Variants in SLC37A1 observed in about 807,000 individuals in gnomAD.
SLC37A1 encodes the protein solute carrier family 37 member 1, also known as glucose-6-phosphate exchanger SLC37A1.
Under a neutral mutation model 75.3 loss-of-function variants are expected in SLC37A1, and 49 were observed. The ratio of observed to expected loss-of-function variants is 0.65; its 90% CI spans 0.52 to 0.83. The LOEUF is 0.83. Among genes scored for constraint, SLC37A1 ranks in the 40% least tolerant of loss-of-function variants. The probability of loss-of-function intolerance (pLI) is 0.00; values close to 1 mark genes in which losing one functional copy is unlikely to be tolerated. For missense variants in SLC37A1, 566 were observed against 695.0 expected (o/e 0.81, Z 2.09); for synonymous variants, 268 against 292.1 (o/e 0.92, Z 0.84).
At position 42,563,882 on chromosome 21, in the gene SLC37A1, G is replaced by C. The variant is rs2055900518; in HGVS notation, c.1135+5G>C. The stretch of plus-strand genomic sequence containing the variant: ...TTGACGTGGGCGGAATCTTTGGTGA[G>C]TTCATTAAGACTTGTTCTGCTGCAA... On this transcript the variant is annotated splice_donor_5th_base_variant and intron_variant, in intron 13 of 19. Transcript: ENST00000352133. 1 of 1,614,048 alleles carries C rather than the reference G, an allele frequency of 6.2e-7. No individual in the cohort carries two copies. Among genetic ancestry groups the C allele is most frequent in the South Asian group, 1.1e-5 (1 of 91,086 alleles).
At chr21:42,579,658 G>A in intron 18 of SLC37A1, 78 bp from the exon 19 acceptor site, 3 of 1,497,882 alleles carry the variant, frequency 2.0e-6, no homozygotes, top group Non-Finnish European at 1.8e-6. Context: ...TTGCGGGCCA[G>A]GTCCTCATGG....
In SLC37A1 at chr21:42,521,814, A is replaced by G. The variant is rs566454241; in HGVS notation, c.56+3304A>G. The stretch of plus-strand genomic sequence containing the variant: ...GTTTTATATTCATAAGTCTAAACAT[A>G]ACACAAAACAAAAATGAAAGGATTA... On this transcript the variant is annotated intron_variant, in intron 2 of 19. Coordinates refer to ENST00000352133, the MANE Select transcript of SLC37A1 (RefSeq NM_001320537.2). 6.0e-4 allele frequency among the ~76,000 whole-genome samples: 92 copies of G among 152,384 alleles called. 2 individuals carry two copies. The South Asian group carries it at 8.3e-3, about 14-fold the overall frequency.
At chr21:42,542,525 C>A (rs1335500975) in intron 7 of SLC37A1, 45 bp downstream of exon 7, 5 of 1,586,046 alleles carry the variant, frequency 3.2e-6, no homozygotes, top group Non-Finnish European at 4.3e-6. Flanking sequence ...GAAAACTAGA[C>A]CATTTTACTT....
intron 5 of SLC37A1, 77 bp downstream of exon 5, chr21:42,535,627 A>G: frequency 1.5e-6 from 2 of 1,316,104 alleles, no homozygotes; most frequent in Non-Finnish European, 2.2e-6. Context: ...GCTATGCTGA[A>G]GTGCACAGGC....
intron 7 of SLC37A1, 55 bp from the exon 8 acceptor site, chr21:42,543,381 G>A (rs769037933): frequency 7.5e-6 from 12 of 1,608,910 alleles, no homozygotes; most frequent in Non-Finnish European, 1.0e-5. Flanking sequence ...TGCACTGCTG[G>A]ACTCGTTTCA....
At chr21:42,503,474 A>T (rs1010464109) in intron 2 of SLC37A1, among the ~76,000 whole-genome samples, 4 of 152,000 alleles carry the variant, frequency 2.6e-5, no homozygotes, top group African/African-American at 4.8e-5. Flanking sequence ...GCTCAACAAC[A>T]TGTGGATCAA....
intron 3 of SLC37A1, among the ~76,000 whole-genome samples, chr21:42,531,253 C>T (rs1361935879): frequency 3.9e-5 from 6 of 152,264 alleles, no homozygotes; most frequent in Non-Finnish European, 7.3e-5. Context: ...GCTGTGACTC[C>T]TGGCGGTTTT....
In SLC37A1 at chr21:42,520,615, C is replaced by T. The variant is rs535589819; in HGVS notation, c.56+2105C>T. Among the ~76,000 whole-genome samples the T allele has an allele frequency of 5.9e-5, 9 of 151,778 alleles. 1 individual carries two copies. The highest frequency in any genetic ancestry group is 1.5e-4 in the African/African-American group (6 of 41,342). ...GTTCTCGGGATAAACTGGTGATGGT[C>T]GATATAGAAATAGAGAAGGGTGTGT... On this transcript the variant is annotated intron_variant, in intron 2 of 19. Transcript: ENST00000352133.
intron 18 of SLC37A1, 121 bp downstream of exon 18, chr21:42,575,036 A>C (rs2056275858): frequency 6.8e-7 from 1 of 1,474,578 alleles, no homozygotes. Flanking sequence ...GGGTCTTCCC[A>C]TCTTTTCTAA....
At chr21:42,570,335 G>GCCATGTCATGTGACACACGGCCTGGTT (rs2056126366) in intron 17 of SLC37A1, among the ~76,000 whole-genome samples, 4 of 152,088 alleles carry the variant, frequency 2.6e-5, no homozygotes, top group South Asian at 2.1e-4. Flanking sequence ...GGTGGCTGTT[G>GCCATGTCATGTGACACACGGCCTGGTT]CTCAGAAAGC....
chr21:42,575,207 G>A, intron 18 of SLC37A1: 1 of 983,364 alleles, frequency 1.0e-6, no homozygotes, highest in Non-Finnish European at 1.2e-6. Flanking sequence ...TGTGTGACTT[G>A]GGCAGGTTTC....
intron 17 of SLC37A1, among the ~76,000 whole-genome samples, chr21:42,572,135 CCTTCT>C (rs1348927388): frequency 6.6e-6 from 1 of 152,194 alleles, no homozygotes; most frequent in African/African-American, 2.4e-5. Context: ...CGTGGAAACA[CCTTCT>C]CTTCAGAACC....
In SLC37A1 at chr21:42,540,180, A is replaced by G. The variant is rs2055240660; in HGVS notation, c.486+533A>G. ...GGGGAACTTACATACTGAGGGCTGCAGTGTATGGTCGCAACACACAGCGGG... is the reference window on the plus strand; with the variant it reads ...GGGGAACTTACATACTGAGGGCTGCGGTGTATGGTCGCAACACACAGCGGG... On this transcript the variant is annotated intron_variant, in intron 6 of 19. Transcript: ENST00000352133. Among the ~76,000 whole-genome samples, 4 of 152,360 alleles carry G rather than the reference A, an allele frequency of 2.6e-5. No homozygotes were observed. In the South Asian group the frequency reaches 8.3e-4, roughly 32 times the overall value.
chr21:42,549,969 C>T (rs755629570), intron 9 of SLC37A1, among the ~76,000 whole-genome samples: 4 of 152,180 alleles, frequency 2.6e-5, no homozygotes, highest in African/African-American at 4.8e-5. Flanking sequence ...ACTCTATCAA[C>T]GCCCCTTCTA....
intron 12 of SLC37A1, among the ~76,000 whole-genome samples, chr21:42,562,684 C>G (rs926807036): frequency 2.0e-5 from 3 of 146,882 alleles, no homozygotes; most frequent in East Asian, 3.9e-4. Flanking sequence ...ATGCCCCCCC[C>G]ATGTCATGTG....
At chr21:42,567,202 C>T (rs762667987) in intron 16 of SLC37A1, 144 bp downstream of exon 16, 10 of 758,930 alleles carry the variant, frequency 1.3e-5, no homozygotes, top group Non-Finnish European at 2.2e-5. Flanking sequence ...GGTCTCCAGC[C>T]TTCCCGCACC....
At chr21:42,575,106 GA>G in intron 18 of SLC37A1, 191 bp downstream of exon 18, 1 of 985,462 alleles carries the variant, frequency 1.0e-6, no homozygotes, top group Non-Finnish European at 1.2e-6. Context: ...ACAGAAGCAG[GA>G]CAGTCTTGCT....
chr21:42,525,302 A>C (rs887610910), intron 2 of SLC37A1, among the ~76,000 whole-genome samples: 1 of 152,248 alleles, frequency 6.6e-6, no homozygotes, highest in Non-Finnish European at 1.5e-5. Context: ...CCTGAGAGCC[A>C]GTTGGTCAGA....
chr21:42,547,003 A>G lies in SLC37A1; in HGVS notation c.731-100A>G. 1 of 1,407,552 alleles carries G rather than the reference A, an allele frequency of 7.1e-7. No homozygotes were observed. The highest frequency in any genetic ancestry group is 1.0e-6 in the Non-Finnish European group (1 of 995,236). The allele number at this position is 1,407,552 out of a possible 1,614,324, so 87.2% of individuals were successfully genotyped here. ...AATCCTGCATACAGTCCAGTTTCAC[A>G]CCCGGTGCTCCCGTGTTGCCCTGTC... On this transcript the variant is annotated intron_variant, in intron 8 of 19. Coordinates refer to ENST00000352133, the MANE Select transcript of SLC37A1 (RefSeq NM_001320537.2). This position sits in a 1 kb window ranked among gnomAD's most constrained non-coding sequence, Gnocchi z 6.1.
Sources: allele counts gnomAD v4.1 joint callset (sites outside exome capture counted in the v4.1 genomes callset), GRCh38; gene constraint gnomAD v4.1.1; non-coding constraint Gnocchi (gnomAD v3.1); transcripts MANE v1.5; gene names NCBI Gene and HGNC (gene_info 2026-07-23, HGNC 2026-07-21).